RBMS3: variants seen among roughly 807,000 people sequenced by gnomAD.
RBMS3 encodes RNA-binding motif, single-stranded-interacting protein 3.
RBMS3 carries 27 observed loss-of-function variants against 66.8 expected under a neutral mutation model. The ratio of observed to expected loss-of-function variants is 0.40; its 90% CI spans 0.30 to 0.56. The LOEUF (loss-of-function observed/expected upper bound fraction) is 0.56. RBMS3 is among the 20% of genes least tolerant of loss of function. The pLI, the probability that RBMS3 is intolerant of heterozygous loss-of-function variation, is 0.40. For missense variants in RBMS3, 513 were observed against 549.5 expected, an observed-to-expected ratio of 0.93 and a Z score of 0.66; for synonymous variants, 188 against 183.0, an observed-to-expected ratio of 1.03 and a Z score of -0.22.
chr3:29,675,793 G>A (rs533037296), intron 4 of RBMS3, among the ~76,000 whole-genome samples: 1 of 152,294 alleles, frequency 6.6e-6, no homozygotes, highest in South Asian at 2.1e-4. Context: ...TGCTGGAGAG[G>A]ATGTGGAGAA....
At chr3:29,797,157 C>G (rs906069487) in intron 6 of RBMS3, among the ~76,000 whole-genome samples, 7 of 152,216 alleles carry the variant, frequency 4.6e-5, no homozygotes, top group African/African-American at 1.7e-4. Context: ...GATACTTCAT[C>G]TATATTGAAA....
rs761524783 is a variant in RBMS3, at chr3:29,988,261, A to G, written c.1179+38A>G. ...CTGTCTAATAAAGAGGTTAGAAGAA[A>G]TAAATCTCAGTCACATATACTGTAG... On this transcript the variant is annotated intron_variant, in intron 13 of 14. Coordinates refer to ENST00000383767, the MANE Select transcript of RBMS3 (RefSeq NM_001003793.3). The G allele has an allele frequency of 3.3e-6, 5 of 1,532,922 alleles. No homozygotes were observed. The South Asian group carries it at 5.6e-5, about 17-fold the overall frequency. The allele number at this position is 1,532,922 out of a possible 1,614,324, so 95.0% of individuals were successfully genotyped here. A position where few individuals can be genotyped will look rare whatever the true frequency, so the allele number is the denominator to read the frequency against.
intron 8 of RBMS3, among the ~76,000 whole-genome samples, chr3:29,884,449 TCTCTCTCTCTCTCTCTCTCTCC>T (rs1456789986): frequency 2.3e-5 from 3 of 131,128 alleles, no homozygotes; most frequent in Non-Finnish European, 4.9e-5. Context: ...TCTCTCTCTC[TCTCTCTCTCTCTCTCTCTCTCC>T]CCCCCCGCTC....
chr3:29,317,323 C>A (rs1454107121), intron 1 of RBMS3, among the ~76,000 whole-genome samples: 1 of 151,570 alleles, frequency 6.6e-6, no homozygotes, highest in Non-Finnish European at 1.5e-5. Context: ...TTTCTATGTC[C>A]AGATAGGATA....
intron 3 of RBMS3, among the ~76,000 whole-genome samples, chr3:29,573,872 C>G (rs1401339552): frequency 6.6e-6 from 1 of 152,096 alleles, no homozygotes; most frequent in Non-Finnish European, 1.5e-5. Flanking sequence ...CATATAGTTT[C>G]CAAAATTCCT....
At chr3:29,512,609 A>C (rs369634540) in intron 3 of RBMS3, among the ~76,000 whole-genome samples, 1 of 152,144 alleles carries the variant, frequency 6.6e-6, no homozygotes, top group African/African-American at 2.4e-5. Flanking sequence ...CAAGAAACTG[A>C]CCCAAAGACT....
chr3:29,733,115 G>C (rs1045075245), intron 4 of RBMS3, among the ~76,000 whole-genome samples: 2 of 151,898 alleles, frequency 1.3e-5, no homozygotes, highest in Admixed American at 6.6e-5. Context: ...ATTATCTTTA[G>C]TCTATATATA....
intron 3 of RBMS3, among the ~76,000 whole-genome samples, chr3:29,568,900 T>C (rs2046836888): frequency 6.6e-6 from 1 of 152,148 alleles, no homozygotes; most frequent in African/African-American, 2.4e-5. Flanking sequence ...TTTATGAGAG[T>C]AGCAGGTGCA....
intron 2 of RBMS3, among the ~76,000 whole-genome samples, chr3:29,453,646 G>C (rs1481517941): frequency 6.6e-6 from 1 of 152,186 alleles, no homozygotes; most frequent in African/African-American, 2.4e-5. Flanking sequence ...GAGCTGTGGT[G>C]TCTGGCTGGA....
intron 1 of RBMS3, among the ~76,000 whole-genome samples, chr3:29,313,242 A>T (rs928373047): frequency 6.6e-6 from 1 of 151,800 alleles, no homozygotes; most frequent in African/African-American, 2.4e-5. Context: ...TTGTTGAAAC[A>T]TCTGGTCTTG....
At chr3:29,978,652 T>A (rs1420911201) in intron 12 of RBMS3, among the ~76,000 whole-genome samples, 1 of 151,440 alleles carries the variant, frequency 6.6e-6, no homozygotes, top group African/African-American at 2.4e-5. Flanking sequence ...TTAAAAAAAA[T>A]GGAAAAAACA....
intron 4 of RBMS3, among the ~76,000 whole-genome samples, chr3:29,702,561 A>G (rs116731514): frequency 0.028 from 4,254 of 152,274 alleles, 86 homozygotes; most frequent in Admixed American, 0.064. Flanking sequence ...TTGAGTCCAC[A>G]CCATCTTTAT....
chr3:29,420,565 T>TTTTTG (rs113655823), intron 1 of RBMS3, among the ~76,000 whole-genome samples: 60,782 of 150,642 alleles, frequency 0.4, 12,456 homozygotes, highest in East Asian at 0.5. Context: ...GGTTTGTTTT[T>TTTTTG]TTTTGTTTTG....
intron 1 of RBMS3, among the ~76,000 whole-genome samples, chr3:29,423,099 G>A (rs2040814607): frequency 6.6e-6 from 1 of 152,130 alleles, no homozygotes; most frequent in African/African-American, 2.4e-5. Flanking sequence ...AATAAAATTG[G>A]TAGCATGTGT....
intron 1 of RBMS3, among the ~76,000 whole-genome samples, chr3:29,294,605 G>A (rs961134940): frequency 5.3e-5 from 8 of 151,760 alleles, no homozygotes; most frequent in African/African-American, 1.9e-4. Context: ...TTAAATGGTA[G>A]TGGTGGTGGT....
chr3:29,614,183 C>A (rs2371697), intron 4 of RBMS3, among the ~76,000 whole-genome samples: 10,115 of 151,958 alleles, frequency 0.067, 626 homozygotes, highest in East Asian at 0.31. Flanking sequence ...CATGGATGAA[C>A]CTGGAGGACA....
At chr3:29,801,100 T>C (rs530530476) in intron 6 of RBMS3, among the ~76,000 whole-genome samples, 55 of 152,064 alleles carry the variant, frequency 3.6e-4, no homozygotes, top group African/African-American at 1.3e-3. Context: ...TATGCTACTA[T>C]AGGCTAGTAT....
Position 29,572,465 on chromosome 3 carries a change from T to G in RBMS3, c.308-14649T>G, listed in dbSNP as rs190912127. 2.3e-3 allele frequency among the ~76,000 whole-genome samples: 356 copies of G among 152,292 alleles called. 1 individual carries two copies. Among genetic ancestry groups the G allele is most frequent in the African/African-American group, 8.3e-3 (345 of 41,574 alleles). ...TGTCTATACCTAGTTTTTTGAGGGTTTTTATTATGAAGAGATGTTCAATTT... is the reference window on the plus strand; with the variant it reads ...TGTCTATACCTAGTTTTTTGAGGGTGTTTATTATGAAGAGATGTTCAATTT... On this transcript the variant is annotated intron_variant, in intron 3 of 14. Coordinates refer to ENST00000383767, the MANE Select transcript of RBMS3 (RefSeq NM_001003793.3).
intron 1 of RBMS3, among the ~76,000 whole-genome samples, chr3:29,420,840 C>T (rs1400577046): frequency 6.6e-6 from 1 of 151,646 alleles, no homozygotes; most frequent in African/African-American, 2.4e-5. Flanking sequence ...CACGGTGGCT[C>T]ACGCCTGTAA....
Sources: allele counts gnomAD v4.1 joint callset (sites outside exome capture counted in the v4.1 genomes callset), GRCh38; gene constraint gnomAD v4.1.1; transcripts MANE v1.5; gene names NCBI Gene and HGNC (gene_info 2026-07-23, HGNC 2026-07-21).